The following MUTYH variants were observed in gnomAD, a reference collection of about 807,000 sequenced individuals.
MUTYH encodes adenine DNA glycosylase.
Under a neutral mutation model 72.9 loss-of-function variants are expected in MUTYH, and 64 were observed. The observed-to-expected ratio is 0.88, with a 90% CI of 0.72 to 1.08. The LOEUF (loss-of-function observed/expected upper bound fraction) is 1.08, where lower values mean the gene tolerates loss of function less well. Ranked by LOEUF, MUTYH falls within the 50% of genes least tolerant of loss-of-function variation. The pLI is 0.00. For missense variants in MUTYH, 633 were observed against 671.0 expected, an observed-to-expected ratio of 0.94 and a Z score of 0.63; for synonymous variants, 234 against 263.1, an observed-to-expected ratio of 0.89 and a Z score of 1.07.
At chr1:45,330,411 GCCT>G in intron 15 of MUTYH, 102 bp downstream of exon 15, 1 of 1,260,258 alleles carries the variant, frequency 7.9e-7, no homozygotes, top group African/African-American at 1.5e-5. Context: ...CTCCAGTGAA[GCCT>G]GGAGTGGAGA....
intron 2 of MUTYH, 98 bp downstream of exon 2, chr1:45,334,293 G>A (rs1265922829): frequency 2.5e-6 from 4 of 1,576,798 alleles, no homozygotes; most frequent in Non-Finnish European, 3.5e-6. Context: ...CTGGCCCTTA[G>A]TAAGTCTCTT....
upstream of MUTYH, chr1:45,340,120 T>G (rs1294688351): frequency 1.2e-5 from 18 of 1,565,068 alleles, 1 homozygote; most frequent in Admixed American, 1.9e-5. Flanking sequence ...CCGGGACGTC[T>G]GAACGGAAGT....
chr1:45,338,910 C>T (rs190005286), intron 1 of MUTYH, among the ~76,000 whole-genome samples: 52 of 152,080 alleles, frequency 3.4e-4, no homozygotes, highest in African/African-American at 1.1e-3. Context: ...ACTACAGGTG[C>T]GCACCACCAT....
chr1:45,330,477 C>G lies in MUTYH; in HGVS notation c.1434+39G>C, dbSNP rs200291713. 1.3e-5 allele frequency: 20 copies of G among 1,594,808 alleles called. No individual in the cohort carries two copies. The East Asian group carries it at 4.3e-4, about 34-fold the overall frequency. The stretch of plus-strand genomic sequence containing the variant: ...CTGACTAAAAACCTATGGACTCAGG[C>G]CTGGGGAGACACGGTTGGGAGAGGC... On this transcript the variant is annotated intron_variant, in intron 15 of 15. Coordinates refer to ENST00000456914, the MANE Select transcript of MUTYH (RefSeq NM_001048174.2).
At chr1:45,333,884 C>A (rs1645447612) in intron 2 of MUTYH, among the ~76,000 whole-genome samples, 1 of 152,184 alleles carries the variant, frequency 6.6e-6, no homozygotes, top group African/African-American at 2.4e-5. Context: ...CTCATTTGGT[C>A]CCATGAAAGC....
chr1:45,331,960 A>C, intron 11 of MUTYH, 63 bp downstream of exon 11: 2 of 1,613,440 alleles, frequency 1.2e-6, no homozygotes, highest in Non-Finnish European at 1.7e-6. Flanking sequence ...TAGAGGAAGA[A>C]CTGGAATGGG....
chr1:45,331,905 C>G, intron 11 of MUTYH, 56 bp from the exon 12 acceptor site: 1 of 1,608,934 alleles, frequency 6.2e-7, no homozygotes. Flanking sequence ...AGGGGCCAAC[C>G]TAGAGAGTGG....
At chr1:45,338,557 G>C (rs979160363) in intron 1 of MUTYH, 8 of 285,536 alleles carry the variant, frequency 2.8e-5, no homozygotes, top group African/African-American at 1.7e-4. Context: ...TGTACTTCCT[G>C]AATTTGACTG....
intron 1 of MUTYH, 80 bp downstream of exon 1, chr1:45,339,819 C>A: frequency 7.6e-7 from 1 of 1,312,772 alleles, no homozygotes; most frequent in Non-Finnish European, 1.0e-6. Flanking sequence ...TAGTCTAACT[C>A]CTGGGCGTGC....
chr1:45,330,482 G>A (rs750818862), intron 15 of MUTYH, 34 bp downstream of exon 15: 1 of 1,599,660 alleles, frequency 6.3e-7, no homozygotes, highest in Non-Finnish European at 8.5e-7. Context: ...TCAGGCCTGG[G>A]GAGACACGGT....
chr1:45,331,855 A>T lies in MUTYH; in HGVS notation c.914-6T>A. ...GCACTGTCCAGTGTTGGGAGCTGGG[A>T]ACGGAGATCCCCGAACCCTACTCAA... On this transcript the variant is annotated splice_polypyrimidine_tract_variant and splice_region_variant and intron_variant, in intron 11 of 15. Coordinates refer to ENST00000456914, the MANE Select transcript of MUTYH (RefSeq NM_001048174.2). 1 of 1,600,508 alleles carries T rather than the reference A, an allele frequency of 6.2e-7. No homozygotes were observed.
chr1:45,330,863 T>A (rs1383661397), intron 14 of MUTYH, among the ~76,000 whole-genome samples: 2 of 152,022 alleles, frequency 1.3e-5, no homozygotes, highest in Non-Finnish European at 2.9e-5. Context: ...GGCGGGCGGA[T>A]CACTTGAGGT....
chr1:45,340,058 C>T (rs1032778925), upstream of MUTYH: 2 of 1,543,074 alleles, frequency 1.3e-6, no homozygotes, highest in Non-Finnish European at 8.7e-7. Context: ...GAGCCGGCAG[C>T]ACAGGCCAAT....
chr1:45,330,531 C>T lies in MUTYH; in HGVS notation c.1419G>A (p.Gln473=), dbSNP rs2149103212. 6.2e-7 allele frequency: 1 copy of T among 1,609,764 alleles called. No homozygotes were observed. The highest frequency in any genetic ancestry group is 8.5e-7 in the Non-Finnish European group (1 of 1,177,848). Residue 473 remains glutamine (Q), a synonymous_variant, in exon 15 of 16, where the codon CAG becomes CAA. Transcript: ENST00000456914. ...KKVFRVYQGQ[Q]PGTCMGSKRS... is the part of the protein sequence containing the mutation. ...GGAGACTTACCATACAGGTCCCTGG[C>T]TGTTGGCCCTGATACACACGGAAAA...
At chr1:45,338,134 G>A (rs991372814) in intron 1 of MUTYH, 7 of 506,328 alleles carry the variant, frequency 1.4e-5, no homozygotes, top group Non-Finnish European at 2.3e-5. Context: ...AGTGGTAGAA[G>A]AGGTCAGAGA....
rs878854191 is a variant in MUTYH, at chr1:45,332,839, G to A, written c.421-5C>T. On this transcript the variant is annotated splice_polypyrimidine_tract_variant and splice_region_variant and intron_variant, in intron 6 of 15. Coordinates refer to ENST00000456914, the MANE Select transcript of MUTYH (RefSeq NM_001048174.2). ...AGCCCAGAGTTGATTCACCTCCTGT[G>A]GGTAGGATCAGAGGTCAAAGAGATC... 6.8e-6 allele frequency: 11 copies of A among 1,614,070 alleles called. No homozygotes were observed. Among genetic ancestry groups the A allele is most frequent in the Non-Finnish European group, 9.3e-6 (11 of 1,180,026 alleles).
intron 2 of MUTYH, among the ~76,000 whole-genome samples, chr1:45,333,888 T>A (rs1645448295): frequency 6.6e-6 from 1 of 152,182 alleles, no homozygotes; most frequent in South Asian, 2.1e-4. Flanking sequence ...TTTGGTCCCA[T>A]GAAAGCCACA....
In MUTYH at chr1:45,331,991, G is replaced by C. The variant is rs1218484834; in HGVS notation, c.913+32C>G. 2.5e-6 allele frequency: 4 copies of C among 1,614,188 alleles called. No individual in the cohort carries two copies. The South Asian group carries it at 4.4e-5, about 18-fold the overall frequency. ...ATGGGGCTTCTGACTGGGCCAGGAA[G>C]GGTTGGGGTGGGGGCTAGGTTTGGT... is the stretch of plus-strand genomic sequence containing the variant. On this transcript the variant is annotated intron_variant, in intron 11 of 15. Transcript: ENST00000456914.
chr1:45,333,174 G>C lies in MUTYH; in HGVS notation c.305-4C>G, dbSNP rs767717597. 7 of 1,614,210 alleles carry C rather than the reference G, an allele frequency of 4.3e-6. No homozygotes were observed. The South Asian group carries it at 7.7e-5, about 18-fold the overall frequency. Reference sequence around the variant, plus strand: ...AGCATGACCTCTGAGACCCACACTGGGGGAAAGGGGTTGGCATGAGGACAC... The same window carrying C: ...AGCATGACCTCTGAGACCCACACTGCGGGAAAGGGGTTGGCATGAGGACAC... On this transcript the variant is annotated splice_region_variant and splice_polypyrimidine_tract_variant and intron_variant, in intron 4 of 15. Transcript: ENST00000456914.
Sources: gnomAD v4.1 joint callset for allele counts (sites outside exome capture counted in the v4.1 genomes callset) on GRCh38, gnomAD v4.1.1 for gene constraint, MANE v1.5 for transcripts, NCBI Gene and HGNC (gene_info 2026-07-23, HGNC 2026-07-21) for gene names.